The following BBS9 variants were observed in gnomAD, a reference collection of about 807,000 sequenced individuals.
The protein encoded by BBS9 is protein PTHB1.
A neutral mutation model predicts 117.7 loss-of-function variants in BBS9; 89 were observed. The observed-to-expected ratio is 0.76, with a 90% CI of 0.64 to 0.90. The LOEUF (loss-of-function observed/expected upper bound fraction) is 0.90. Among genes scored for constraint, BBS9 ranks in the 40% least tolerant of loss-of-function variants. The pLI is 0.00. For synonymous variants in BBS9, 379 were observed against 370.9 expected (o/e 1.02, Z -0.25); for missense variants, 982 against 1,042.2 (o/e 0.94, Z 0.80).
At position 33,613,915 on chromosome 7, in the gene BBS9, T is replaced by C. The variant is rs79827056; in HGVS notation, c.2522-21262T>C. Reference sequence around the variant, plus strand: ...GTGTTTCTCAGGCTTTGAAGACTTATGTCCTAATTTAAGAAAGAACAACCA... The same window carrying C: ...GTGTTTCTCAGGCTTTGAAGACTTACGTCCTAATTTAAGAAAGAACAACCA... On this transcript the variant is annotated intron_variant, in intron 21 of 21. Coordinates refer to the BBS9 transcript ENST00000671952. Among the ~76,000 whole-genome samples, 785 of 152,242 alleles carry C rather than the reference T, an allele frequency of 5.2e-3. 2 individuals carry two copies. Among genetic ancestry groups the C allele is most frequent in the Non-Finnish European group, 8.8e-3 (595 of 67,980 alleles).
At chr7:33,230,189 T>C (rs1269904294) in intron 5 of BBS9, among the ~76,000 whole-genome samples, 2 of 152,192 alleles carry the variant, frequency 1.3e-5, no homozygotes, top group South Asian at 2.1e-4. Context: ...TAAATATTTT[T>C]CCCAGCCTGT....
intron 9 of BBS9, among the ~76,000 whole-genome samples, chr7:33,281,654 G>T (rs75446462): frequency 0.038 from 5,757 of 151,436 alleles, 201 homozygotes; most frequent in African/African-American, 0.089. Flanking sequence ...GGGATTACAG[G>T]TGTGAGCCAT....
intron 19 of BBS9, among the ~76,000 whole-genome samples, chr7:33,407,175 T>G (rs959525748): frequency 3.3e-5 from 5 of 152,254 alleles, no homozygotes; most frequent in Admixed American, 3.3e-4. Flanking sequence ...TCGCTTCATT[T>G]CGTTCATTTC....
At chr7:33,210,352 A>G (rs1439723952) in intron 5 of BBS9, among the ~76,000 whole-genome samples, 2 of 152,220 alleles carry the variant, frequency 1.3e-5, no homozygotes, top group African/African-American at 4.8e-5. Flanking sequence ...GCTGAGGAGA[A>G]GAATGTATAT....
chr7:33,432,401 G>T (rs765697835), intron 19 of BBS9, among the ~76,000 whole-genome samples: 2 of 151,312 alleles, frequency 1.3e-5, no homozygotes, highest in African/African-American at 2.4e-5. Flanking sequence ...GAGCCACCGC[G>T]CCCAGCTGAT....
chr7:33,344,415 G>A (rs1025243060), intron 11 of BBS9, among the ~76,000 whole-genome samples, 166 bp from the exon 12 acceptor site: 2 of 152,086 alleles, frequency 1.3e-5, no homozygotes, highest in Non-Finnish European at 2.9e-5. Context: ...CTGGACGAAG[G>A]CATCAAAAAA....
chr7:33,293,507 T>C (rs1049712764), intron 9 of BBS9, among the ~76,000 whole-genome samples: 1 of 152,160 alleles, frequency 6.6e-6, no homozygotes, highest in African/African-American at 2.4e-5. Context: ...TGCAGACTTG[T>C]ATTGTTTCTA....
chr7:33,268,048 C>CTTA (rs1386172169), intron 7 of BBS9, among the ~76,000 whole-genome samples: 1 of 152,202 alleles, frequency 6.6e-6, no homozygotes, highest in Admixed American at 6.5e-5. Flanking sequence ...TTTAGGGCTA[C>CTTA]TTATTCCCTA....
intron 19 of BBS9, among the ~76,000 whole-genome samples, chr7:33,423,680 T>G (rs915001058): frequency 6.6e-6 from 1 of 152,128 alleles, no homozygotes; most frequent in Non-Finnish European, 1.5e-5. Context: ...TTTACAAGAA[T>G]GAGCATACCA....
intron 9 of BBS9, among the ~76,000 whole-genome samples, chr7:33,307,183 TA>T (rs904019298): frequency 7.2e-5 from 11 of 152,146 alleles, no homozygotes; most frequent in Admixed American, 3.3e-4. Flanking sequence ...GTAACAAAAA[TA>T]AGATTTTCTT....
chr7:33,323,833 CTTTTTTTTTTTTT>C (rs1227126451), intron 9 of BBS9, among the ~76,000 whole-genome samples: 1 of 105,166 alleles, frequency 9.5e-6, no homozygotes, highest in African/African-American at 4.0e-5. Context: ...TCCTGTCTTC[CTTTTTTTTTTTTT>C]TTTTTTTTTG....
intron 19 of BBS9, among the ~76,000 whole-genome samples, chr7:33,496,685 A>AT (rs1413067606): frequency 6.6e-6 from 1 of 152,190 alleles, no homozygotes; most frequent in African/African-American, 2.4e-5. Flanking sequence ...GATTCTTGCT[A>AT]TGCCTTCAAA....
chr7:33,329,347 A>G (rs1403749358), intron 9 of BBS9, among the ~76,000 whole-genome samples: 1 of 152,200 alleles, frequency 6.6e-6, no homozygotes, highest in Non-Finnish European at 1.5e-5. Flanking sequence ...ACTATAAGAC[A>G]AAATGAAAAT....
chr7:33,190,118 ATTTT>A (rs35553731), intron 5 of BBS9, among the ~76,000 whole-genome samples: 1 of 117,696 alleles, frequency 8.5e-6, no homozygotes, highest in Admixed American at 8.8e-5. Flanking sequence ...TTACATGGGG[ATTTT>A]TTTTTTTTTT....
At chr7:33,456,873 T>C (rs553044015) in intron 19 of BBS9, among the ~76,000 whole-genome samples, 1 of 152,332 alleles carries the variant, frequency 6.6e-6, no homozygotes, top group South Asian at 2.1e-4. Context: ...TTGATTAACT[T>C]CTTATAACTG....
intron 20 of BBS9, among the ~76,000 whole-genome samples, chr7:33,510,459 C>G (rs1271231852): frequency 6.6e-6 from 1 of 152,042 alleles, no homozygotes. Context: ...GCAAAACCAT[C>G]CATACTTCAG....
chr7:33,545,895 G>C (rs1853256398), intron 21 of BBS9, among the ~76,000 whole-genome samples: 1 of 142,466 alleles, frequency 7.0e-6, no homozygotes, highest in African/African-American at 2.6e-5. Flanking sequence ...ATAAAAATTG[G>C]ATCATACTAT....
intron 19 of BBS9, among the ~76,000 whole-genome samples, chr7:33,466,282 AC>A (rs991077617): frequency 3.6e-4 from 55 of 152,216 alleles, no homozygotes; most frequent in African/African-American, 1.3e-3. Flanking sequence ...TAAGTGCTAA[AC>A]TTTTGTACTC....
chr7:33,472,224 T>A (rs1841140702), intron 19 of BBS9, among the ~76,000 whole-genome samples: 6 of 152,156 alleles, frequency 3.9e-5, no homozygotes. Context: ...TAAAGCACTG[T>A]GAAGATGTCC....
Sources: gnomAD v4.1 joint callset for allele counts (sites outside exome capture counted in the v4.1 genomes callset) on GRCh38, gnomAD v4.1.1 for gene constraint, MANE v1.5 for transcripts, NCBI Gene and HGNC (gene_info 2026-07-23, HGNC 2026-07-21) for gene names.